The following ADAM22 variants were observed in gnomAD, a reference collection of about 807,000 sequenced individuals.
ADAM22 encodes disintegrin and metalloproteinase domain-containing protein 22.
In ADAM22, 65 loss-of-function variants were observed where a neutral mutation model predicts 144.6. The observed-to-expected ratio is 0.45, with a 90% CI of 0.37 to 0.55. ADAM22 has a LOEUF of 0.55. ADAM22 is among the 20% of genes least tolerant of loss of function. The probability of loss-of-function intolerance (pLI) is 0.00; values close to 1 mark genes in which losing one functional copy is unlikely to be tolerated. For synonymous variants in ADAM22, 391 were observed against 412.6 expected (o/e 0.95, Z 0.63); for missense variants, 974 against 1,184.9 (o/e 0.82, Z 2.61).
intron 4 of ADAM22, among the ~76,000 whole-genome samples, chr7:88,081,267 A>C (rs1473691673): frequency 6.6e-6 from 1 of 152,208 alleles, no homozygotes; most frequent in African/African-American, 2.4e-5. Context: ...AGATGCAGAA[A>C]AGGCCTTTGA....
chr7:87,967,599 A>G (rs535367382), intron 2 of ADAM22, among the ~76,000 whole-genome samples: 1 of 152,028 alleles, frequency 6.6e-6, no homozygotes, highest in South Asian at 2.1e-4. Context: ...TCATGAGGTC[A>G]GGAGTTCGAG....
Position 88,150,987 on chromosome 7 carries a change from C to G in ADAM22, c.1573C>G (p.Pro525Ala). 6.2e-7 allele frequency: 1 copy of G among 1,613,228 alleles called. No homozygotes were observed. Among genetic ancestry groups the G allele is most frequent in the Non-Finnish European group, 8.5e-7 (1 of 1,179,464 alleles). The stretch of plus-strand genomic sequence containing the variant: ...GTTGTTCTCTTTTTCCTAGTGTGCC[C>G]CTAATATTCATAAAATGGATGGATA... ...TCSGNSSQCAPNIHKMDGYSC... is the reference protein window; with the variant it reads ...TCSGNSSQCAANIHKMDGYSC... Residue 525 changes from proline to alanine, a missense_variant, in exon 19 of 32, where the codon CCT becomes GCT. This residue lies in a region of ADAM22 where 734 missense variants were observed against 950.6 expected (regional missense o/e 0.77). Transcript: ENST00000413139.
At chr7:88,049,424 CTT>C (rs1217361211) in intron 3 of ADAM22, among the ~76,000 whole-genome samples, 1 of 151,766 alleles carries the variant, frequency 6.6e-6, no homozygotes, top group Non-Finnish European at 1.5e-5. Flanking sequence ...GAGTTTCACT[CTT>C]TTACTCTTGT....
intron 3 of ADAM22, among the ~76,000 whole-genome samples, chr7:88,066,081 T>G (rs556530918): frequency 6.6e-6 from 1 of 152,298 alleles, no homozygotes; most frequent in African/African-American, 2.4e-5. Flanking sequence ...AGTATTTGAC[T>G]GTCATTAACA....
intron 4 of ADAM22, among the ~76,000 whole-genome samples, chr7:88,090,519 A>C (rs1377801062): frequency 6.6e-6 from 1 of 152,202 alleles, no homozygotes; most frequent in Admixed American, 6.5e-5. Context: ...ATGAAACTAA[A>C]ATGACTTTAA....
intron 2 of ADAM22, among the ~76,000 whole-genome samples, chr7:87,939,580 T>TA (rs1842055385): frequency 6.6e-6 from 1 of 152,224 alleles, no homozygotes; most frequent in South Asian, 2.1e-4. Context: ...CATAAGAACT[T>TA]AGTAAATATA....
chr7:88,185,189 A>G (rs1350384431), intron 29 of ADAM22, among the ~76,000 whole-genome samples: 1 of 152,196 alleles, frequency 6.6e-6, no homozygotes, highest in Non-Finnish European at 1.5e-5. Flanking sequence ...GATTATGGCT[A>G]AAGGCAAAAC....
chr7:88,002,245 C>A (rs1444925672), intron 3 of ADAM22, among the ~76,000 whole-genome samples: 1 of 152,168 alleles, frequency 6.6e-6, no homozygotes, highest in Admixed American at 6.5e-5. Context: ...GGCTAGGATA[C>A]CTTCAAGCAT....
At chr7:88,047,942 G>T (rs1805115680) in intron 3 of ADAM22, among the ~76,000 whole-genome samples, 1 of 151,852 alleles carries the variant, frequency 6.6e-6, no homozygotes, top group Non-Finnish European at 1.5e-5. Context: ...TTAAAAAGAT[G>T]AAAATATAAA....
In ADAM22 at chr7:88,030,550, A is replaced by G. The variant is rs536980360; in HGVS notation, c.324-45076A>G. ...AATCTCATGTTGAATTGTAATTCCT[A>G]ATTTTGGAGGTGGTACATGGTGGGA... On this transcript the variant is annotated intron_variant, in intron 3 of 31. Transcript: ENST00000413139. 5.3e-5 allele frequency among the ~76,000 whole-genome samples: 8 copies of G among 151,880 alleles called. No individual in the cohort carries two copies. The South Asian group carries it at 1.5e-3, about 28-fold the overall frequency.
In ADAM22 at chr7:88,145,720, G is replaced by T. The variant is rs148384386; in HGVS notation, c.1485+213G>T. On this transcript the variant is annotated intron_variant, in intron 17 of 31. Transcript: ENST00000413139. The stretch of plus-strand genomic sequence containing the variant: ...AAAGATGAGAATACTAAGGCTTGTA[G>T]TGGTTAAGTAGTTTGCCCAAGGTCT... Among the ~76,000 whole-genome samples the T allele has an allele frequency of 2.2e-3, 340 of 152,260 alleles. 1 individual carries two copies. Among genetic ancestry groups the T allele is most frequent in the East Asian group, 5.8e-3 (30 of 5,176 alleles).
chr7:87,989,778 T>A (rs1789351124), intron 3 of ADAM22, among the ~76,000 whole-genome samples: 2 of 151,958 alleles, frequency 1.3e-5, no homozygotes, highest in African/African-American at 4.8e-5. Context: ...TTTCCAGGGG[T>A]GGTGGCACAC....
chr7:87,935,288 G>A (rs1214301731), intron 2 of ADAM22, 102 bp downstream of exon 2: 4 of 1,310,196 alleles, frequency 3.1e-6, no homozygotes, highest in Non-Finnish European at 1.0e-6. Flanking sequence ...CTTCTTGGGT[G>A]AAATGAGTTG....
chr7:87,975,654 G>T (rs1851735074), intron 2 of ADAM22, among the ~76,000 whole-genome samples: 1 of 152,136 alleles, frequency 6.6e-6, no homozygotes, highest in Admixed American at 6.5e-5. Flanking sequence ...GCAGGAAAAA[G>T]AATTATAATT....
At chr7:88,071,053 G>C (rs1403849487) in intron 3 of ADAM22, among the ~76,000 whole-genome samples, 5 of 152,146 alleles carry the variant, frequency 3.3e-5, no homozygotes, top group African/African-American at 4.8e-5. Flanking sequence ...ATTTCTTGGA[G>C]TCAGACTTTG....
chr7:87,976,190 C>T (rs968350311), intron 2 of ADAM22, among the ~76,000 whole-genome samples: 30 of 152,040 alleles, frequency 2.0e-4, no homozygotes, highest in African/African-American at 6.0e-4. Context: ...GGAGGCTAGA[C>T]GAGGTTGGAA....
intron 22 of ADAM22, among the ~76,000 whole-genome samples, chr7:88,158,278 A>T (rs191247633): frequency 1.3e-5 from 2 of 152,156 alleles, no homozygotes; most frequent in African/African-American, 4.8e-5. Flanking sequence ...CTACAAAGAG[A>T]CTTAAACTCC....
chr7:88,125,622 T>G lies in ADAM22; in HGVS notation c.641T>G (p.Phe214Cys). ...FQQVNITPSK[F>C]ILKPRPKRSK... ...CAAGTAAACATTACTCCATCAAAATTTATTTTGAAGCCAAGACCAAAAAGG... is the reference window on the plus strand; with the variant it reads ...CAAGTAAACATTACTCCATCAAAATGTATTTTGAAGCCAAGACCAAAAAGG... The change falls in exon 8 of 32, where the codon TTT (phenylalanine) becomes TGT (cysteine). Residue 214 changes from phenylalanine (F) to cysteine (C), a missense_variant. By Grantham distance (205) the Phe-to-Cys change is radical (BLOSUM62 -2). This residue lies in a region of ADAM22 where 734 missense variants were observed against 950.6 expected (regional missense o/e 0.77). Transcript: ENST00000413139. The G allele has an allele frequency of 1.3e-6, 2 of 1,594,466 alleles. No homozygotes were observed. The highest frequency in any genetic ancestry group is 2.3e-5 in the East Asian group (1 of 43,722).
intron 4 of ADAM22, among the ~76,000 whole-genome samples, chr7:88,094,687 T>C (rs538545971): frequency 6.0e-4 from 92 of 152,320 alleles, no homozygotes; most frequent in Admixed American, 1.1e-3. Flanking sequence ...TAATTCTGAG[T>C]GGGGTTAATA....
Sources: allele counts gnomAD v4.1 joint callset (sites outside exome capture counted in the v4.1 genomes callset), GRCh38; gene constraint gnomAD v4.1.1; regional missense constraint gnomAD v4.1.1; transcripts MANE v1.5; gene names NCBI Gene and HGNC (gene_info 2026-07-23, HGNC 2026-07-21).